Variants in BTD observed in about 807,000 individuals in gnomAD.
BTD encodes the protein biotinidase.
In BTD, 13 loss-of-function variants were observed where a neutral mutation model predicts 17.7. The observed-to-expected ratio is 0.74, with a 90% CI of 0.48 to 1.17. The LOEUF (loss-of-function observed/expected upper bound fraction) is 1.17, where lower values mean the gene tolerates loss of function less well. Among genes scored for constraint, BTD ranks in the 50% most tolerant of loss-of-function variants. The pLI, the probability that BTD is intolerant of heterozygous loss-of-function variation, is 0.00. For missense variants in BTD, 674 were observed against 650.4 expected (o/e 1.04, Z -0.39); for synonymous variants, 240 against 245.2 (o/e 0.98, Z 0.20).
intron 1 of BTD, among the ~76,000 whole-genome samples, chr3:15,623,254 T>C (rs2064994067): frequency 6.6e-6 from 1 of 152,236 alleles, no homozygotes; most frequent in African/African-American, 2.4e-5. Flanking sequence ...ACTATTAGGA[T>C]GGTATGTCCA....
At position 15,700,752 on chromosome 3, in the gene BTD, G is replaced by A. The variant is rs775333371; in HGVS notation, c.400-9308G>A. 3.3e-5 allele frequency among the ~76,000 whole-genome samples: 5 copies of A among 152,014 alleles called. 1 individual carries two copies. The highest frequency in any genetic ancestry group is 6.6e-5 in the Admixed American group (1 of 15,260). The stretch of plus-strand genomic sequence containing the variant: ...TCGCGCCACTGCACTCCAGCCTGGC[G>A]ACAGAGTGAGACTGCAAAAGAAACA... On this transcript the variant is annotated intron_variant, in intron 3 of 3. Transcript: ENST00000672141.
At chr3:15,702,718 AAGGACC>A (rs2070789761) in intron 3 of BTD, among the ~76,000 whole-genome samples, 1 of 152,116 alleles carries the variant, frequency 6.6e-6, no homozygotes, top group Non-Finnish European at 1.5e-5. Context: ...AGCCCTGGGT[AAGGACC>A]ACTCAGCCAG....
intron 1 of BTD, among the ~76,000 whole-genome samples, chr3:15,611,789 A>G (rs1013731790): frequency 6.6e-6 from 1 of 151,740 alleles, no homozygotes; most frequent in African/African-American, 2.4e-5. Flanking sequence ...AAAAAAAAAG[A>G]AAAAACAAAT....
intron 3 of BTD, among the ~76,000 whole-genome samples, chr3:15,694,015 C>T (rs796556247): frequency 1.4e-4 from 22 of 152,170 alleles, no homozygotes; most frequent in African/African-American, 4.6e-4. Flanking sequence ...CTCACAAACA[C>T]CTGGTGAGAG....
chr3:15,644,326 G>A lies in BTD; in HGVS notation c.410G>A (p.Arg137His), dbSNP rs146015592. The A allele has an allele frequency of 2.1e-4, 336 of 1,613,628 alleles. 1 individual carries two copies. Among genetic ancestry groups the A allele is most frequent in the Non-Finnish European group, 2.5e-4 (293 of 1,179,906 alleles). The change falls in exon 4 of 4, where the codon CGC (arginine) becomes CAC (histidine). Residue 137 changes from arginine to histidine, a missense_variant. Arg to His is a conservative substitution (Grantham distance 29, BLOSUM62 0). Coordinates refer to ENST00000643237, the MANE Select transcript of BTD (RefSeq NM_001370658.1). ...CTTTTTTTCCTCTAGGTGCTCCAGC[G>A]CCTGAGTTGTATGGCCATCAGGGGA... ...HRFNDTEVLQ[R>H]LSCMAIRGDM... is the part of the protein sequence containing the mutation.
At chr3:15,654,535 C>A (rs2065851833), downstream of BTD, among the ~76,000 whole-genome samples, 1 of 152,100 alleles carries the variant, frequency 6.6e-6, no homozygotes, top group Admixed American at 6.5e-5. Context: ...GGGACAAAAA[C>A]CAAAACATTT....
Position 15,601,851 on chromosome 3 carries a change from A to G in BTD, c.-60A>G, listed in dbSNP as rs1553646820. On this transcript the variant is annotated 5_prime_UTR_variant, in exon 1 of 4. The change abolishes an upstream ATG in the 5' untranslated region. Coordinates refer to ENST00000643237, the MANE Select transcript of BTD (RefSeq NM_001370658.1). Reference sequence around the variant, plus strand: ...GCGTTTTCGGGGCTGTAAAGGGAGAATGGCGCATGCGCATATTCAGGGCGG... The same window carrying G: ...GCGTTTTCGGGGCTGTAAAGGGAGAGTGGCGCATGCGCATATTCAGGGCGG... 1 of 1,614,212 alleles carries G rather than the reference A, an allele frequency of 6.2e-7. No individual in the cohort carries two copies.
rs2125515270 is a variant in BTD at position 15,647,663 on chromosome 3, T to A, written c.*2175T>A. On this transcript the variant is annotated 3_prime_UTR_variant, in exon 4 of 4. Transcript: ENST00000643237. ...ATATATCTATGACTAATGGTTGTGA[T>A]TATGTTTTTGTCGATTGTGATCCTG... 6.6e-6 allele frequency: 1 copy of A among 152,342 alleles called. No homozygotes were observed. The highest frequency in any genetic ancestry group is 1.5e-5 in the Non-Finnish European group (1 of 68,026). 9.4% of individuals were successfully genotyped at this position (152,342 alleles called of 1,614,324 possible).
rs1026241388 is a variant in BTD at position 15,652,978 on chromosome 3, A to G, written c.*7490A>G. On this transcript the variant is annotated 3_prime_UTR_variant, in exon 4 of 4. Transcript: ENST00000643237. ...ATGCTGAACAAACTTGTTTGCTTTG[A>G]AATCGGAAGTTCTAGAGGAGGTATT... Among the ~76,000 whole-genome samples the G allele has an allele frequency of 6.6e-6, 1 of 152,206 alleles. No individual in the cohort carries two copies. The highest frequency in any genetic ancestry group is 2.4e-5 in the African/African-American group (1 of 41,444).
intron 1 of BTD, among the ~76,000 whole-genome samples, chr3:15,626,615 A>G (rs894388128): frequency 6.6e-6 from 1 of 152,024 alleles, no homozygotes; most frequent in African/African-American, 2.4e-5. Flanking sequence ...CATCTCTACA[A>G]AAAATTAAAA....
chr3:15,628,141 C>G (rs530559570), intron 1 of BTD, among the ~76,000 whole-genome samples: 1 of 152,324 alleles, frequency 6.6e-6, no homozygotes, highest in African/African-American at 2.4e-5. Flanking sequence ...TGAGTACTGG[C>G]AGAGATGAGC....
At position 15,678,766 on chromosome 3, in the gene BTD, G is replaced by A. The variant is rs899859743; in HGVS notation, c.400-31294G>A. On this transcript the variant is annotated intron_variant, in intron 3 of 3. Coordinates refer to the BTD transcript ENST00000672141. ...CTTTGGGAAACAAATTCGAAAGAGAGGGAAAAATATTTACATGTTAAAATA... is the reference window on the plus strand; with the variant it reads ...CTTTGGGAAACAAATTCGAAAGAGAAGGAAAAATATTTACATGTTAAAATA... Among the ~76,000 whole-genome samples, 3 of 151,968 alleles carry A rather than the reference G, an allele frequency of 2.0e-5. No homozygotes were observed. The South Asian group carries it at 6.2e-4, about 31-fold the overall frequency.
exon 5 of BTD, among the ~76,000 whole-genome samples, chr3:15,722,279 G>C (rs778209469): frequency 2.6e-5 from 4 of 152,120 alleles, no homozygotes; most frequent in Non-Finnish European, 4.4e-5. Flanking sequence ...CCATATAATG[G>C]AGCCCCAATA....
chr3:15,603,228 C>T (rs565853067), intron 1 of BTD, among the ~76,000 whole-genome samples: 1 of 152,356 alleles, frequency 6.6e-6, no homozygotes, highest in South Asian at 2.1e-4. Context: ...CATATCCTCA[C>T]ATTTCAAAAC....
chr3:15,711,265 A>G, exon 4 of BTD: 1 of 1,611,320 alleles, frequency 6.2e-7, no homozygotes, highest in Non-Finnish European at 8.5e-7. Context: ...TGGGGTATCT[A>G]TATCAAATCC....
At chr3:15,702,398 C>T (rs1021971878) in intron 3 of BTD, among the ~76,000 whole-genome samples, 21 of 152,144 alleles carry the variant, frequency 1.4e-4, no homozygotes, top group African/African-American at 5.1e-4. Flanking sequence ...TGCACATTAA[C>T]ACATGTTCAT....
intron 2 of BTD, among the ~76,000 whole-genome samples, chr3:15,637,104 A>T (rs576973357): frequency 6.6e-4 from 100 of 152,244 alleles, no homozygotes; most frequent in African/African-American, 2.3e-3. Context: ...ACGGCATGCC[A>T]TCTTCTCCAC....
chr3:15,704,546 A>G (rs939266605), intron 3 of BTD, among the ~76,000 whole-genome samples: 1 of 152,206 alleles, frequency 6.6e-6, no homozygotes, highest in African/African-American at 2.4e-5. Flanking sequence ...ACATTACTGA[A>G]TAATAGCAAT....
intron 3 of BTD, among the ~76,000 whole-genome samples, chr3:15,699,760 A>T (rs2070275859): frequency 6.6e-6 from 1 of 152,230 alleles, no homozygotes; most frequent in Non-Finnish European, 1.5e-5. Flanking sequence ...GATGTGGAGA[A>T]ATAGGCATGC....
Sources: allele counts gnomAD v4.1 joint callset (sites outside exome capture counted in the v4.1 genomes callset), GRCh38; gene constraint gnomAD v4.1.1; transcripts MANE v1.5; gene names NCBI Gene and HGNC (gene_info 2026-07-23, HGNC 2026-07-21).